Variants in KHDRBS3 observed in about 807,000 individuals in gnomAD.
The protein encoded by KHDRBS3 is KH domain-containing, RNA-binding, signal transduction-associated protein 3.
KHDRBS3 carries 23 observed loss-of-function variants against 45.6 expected under a neutral mutation model. That is an observed-to-expected ratio of 0.50 (90% CI 0.36 to 0.72). The LOEUF (loss-of-function observed/expected upper bound fraction) is 0.72. Ranked by LOEUF, KHDRBS3 falls within the 30% of genes least tolerant of loss-of-function variation. The pLI is 0.00. For synonymous variants in KHDRBS3, 162 were observed against 156.5 expected, an observed-to-expected ratio of 1.04 and a Z score of -0.26; for missense variants, 352 against 424.8, an observed-to-expected ratio of 0.83 and a Z score of 1.51.
At chr8:135,569,450 A>C (rs1488993222) in intron 5 of KHDRBS3, among the ~76,000 whole-genome samples, 4 of 152,212 alleles carry the variant, frequency 2.6e-5, no homozygotes, top group Non-Finnish European at 5.9e-5. Context: ...CGACCAGGTA[A>C]GAGGTTTTAA....
At chr8:135,534,277 T>C (rs746687711) in intron 2 of KHDRBS3, among the ~76,000 whole-genome samples, 2 of 152,150 alleles carry the variant, frequency 1.3e-5, no homozygotes, top group Non-Finnish European at 2.9e-5. Context: ...CAAGTCCTTG[T>C]TGGCCAGTTA....
intron 6 of KHDRBS3, among the ~76,000 whole-genome samples, chr8:135,586,355 C>G (rs535039979): frequency 3.6e-4 from 54 of 152,098 alleles, no homozygotes; most frequent in Middle Eastern, 3.4e-3. Flanking sequence ...TTCCACTAGC[C>G]GAGGTTATAA....
intron 5 of KHDRBS3, among the ~76,000 whole-genome samples, chr8:135,578,829 G>T (rs2130913651): frequency 6.6e-6 from 1 of 152,252 alleles, no homozygotes; most frequent in East Asian, 1.9e-4. Flanking sequence ...TCTTAACAAT[G>T]TTATGACCAT....
intron 4 of KHDRBS3, chr8:135,549,941 C>G (rs1826503746): frequency 6.6e-6 from 1 of 152,158 alleles, no homozygotes; most frequent in South Asian, 2.1e-4. Context: ...TTCCCATGAG[C>G]AAATATGACA....
intron 1 of KHDRBS3, among the ~76,000 whole-genome samples, chr8:135,481,554 T>C (rs1237126934): frequency 6.6e-6 from 1 of 152,142 alleles, no homozygotes; most frequent in African/African-American, 2.4e-5. Flanking sequence ...GAAATAGGTC[T>C]TCCATAAACG....
At chr8:135,508,748 A>G (rs1341712863) in intron 1 of KHDRBS3, among the ~76,000 whole-genome samples, 3 of 152,194 alleles carry the variant, frequency 2.0e-5, no homozygotes, top group African/African-American at 7.2e-5. Flanking sequence ...TTTATTTGAT[A>G]AATGCATTGG....
At chr8:135,602,439 C>A (rs536867703) in intron 6 of KHDRBS3, among the ~76,000 whole-genome samples, 1 of 152,046 alleles carries the variant, frequency 6.6e-6, no homozygotes, top group African/African-American at 2.4e-5. Flanking sequence ...ATAAAAATAT[C>A]GAAGTCAATA....
intron 5 of KHDRBS3, among the ~76,000 whole-genome samples, chr8:135,562,676 G>A (rs1238301350): frequency 6.6e-6 from 1 of 152,200 alleles, no homozygotes; most frequent in Non-Finnish European, 1.5e-5. Context: ...CAAGGGTAAG[G>A]TCAGTACACA....
intron 1 of KHDRBS3, among the ~76,000 whole-genome samples, chr8:135,471,519 A>G (rs773531664): frequency 5.9e-5 from 9 of 152,168 alleles, no homozygotes; most frequent in Non-Finnish European, 1.2e-4. Context: ...GAAGTGGCCA[A>G]ATTAAAAGAC....
At chr8:135,652,042 T>G (rs1831440973), downstream of KHDRBS3, among the ~76,000 whole-genome samples, 1 of 152,184 alleles carries the variant, frequency 6.6e-6, no homozygotes, top group Non-Finnish European at 1.5e-5. Context: ...TATGAGACAT[T>G]TTATAGAATA....
intron 1 of KHDRBS3, among the ~76,000 whole-genome samples, chr8:135,467,173 ATTT>A (rs1563697694): frequency 1.3e-5 from 2 of 152,234 alleles, no homozygotes; most frequent in Admixed American, 1.3e-4. Context: ...GTGGTTTCGT[ATTT>A]GTTTAATTTC....
chr8:135,538,805 GTTGT>G (rs1032785809), intron 2 of KHDRBS3: 4 of 152,084 alleles, frequency 2.6e-5, no homozygotes, highest in African/African-American at 9.7e-5. Flanking sequence ...TGCCGCTTTC[GTTGT>G]TTATTATTTA....
At chr8:135,554,948 A>G (rs1826800028) in intron 4 of KHDRBS3, among the ~76,000 whole-genome samples, 1 of 152,158 alleles carries the variant, frequency 6.6e-6, no homozygotes, top group South Asian at 2.1e-4. Context: ...CCTCCCTGCA[A>G]ACTATGATCC....
chr8:135,595,052 A>G (rs183716846), intron 6 of KHDRBS3, among the ~76,000 whole-genome samples: 59 of 152,356 alleles, frequency 3.9e-4, no homozygotes, highest in African/African-American at 1.4e-3. Flanking sequence ...GTTGCTACAC[A>G]CAGCATTGAT....
chr8:135,552,371 T>G (rs1027617708), intron 4 of KHDRBS3, among the ~76,000 whole-genome samples: 1 of 152,188 alleles, frequency 6.6e-6, no homozygotes, highest in African/African-American at 2.4e-5. Flanking sequence ...AGTTAACTAC[T>G]TCTGCCAGCT....
At chr8:135,517,449 C>G (rs1048585769) in intron 1 of KHDRBS3, among the ~76,000 whole-genome samples, 4 of 152,004 alleles carry the variant, frequency 2.6e-5, no homozygotes, top group Non-Finnish European at 4.4e-5. Flanking sequence ...TTTGAATATG[C>G]AACTCTCAGT....
chr8:135,496,844 C>T (rs550185020), intron 1 of KHDRBS3, among the ~76,000 whole-genome samples: 1 of 152,306 alleles, frequency 6.6e-6, no homozygotes, highest in South Asian at 2.1e-4. Context: ...GAGTTCTTGG[C>T]CAACTAGCTT....
intron 2 of KHDRBS3, among the ~76,000 whole-genome samples, chr8:135,536,929 C>T (rs1430647580): frequency 6.1e-5 from 8 of 131,864 alleles, no homozygotes; most frequent in African/African-American, 2.4e-4. Context: ...CACTGCAGTC[C>T]GCAGTCCGAC....
At chr8:135,605,655 T>C (rs1284619119) in intron 6 of KHDRBS3, among the ~76,000 whole-genome samples, 1 of 152,164 alleles carries the variant, frequency 6.6e-6, no homozygotes, top group Non-Finnish European at 1.5e-5. Context: ...AACATACATA[T>C]TTGAAAAGTT....
Sources: allele counts gnomAD v4.1 joint callset (sites outside exome capture counted in the v4.1 genomes callset), GRCh38; gene constraint gnomAD v4.1.1; transcripts MANE v1.5; gene names NCBI Gene and HGNC (gene_info 2026-07-23, HGNC 2026-07-21).